SOAT1: variants seen among roughly 807,000 people sequenced by gnomAD.
The protein encoded by SOAT1 is acyl-coenzyme A:cholesterol acyltransferase 1.
SOAT1 carries 55 observed loss-of-function variants against 69.5 expected under a neutral mutation model. The ratio of observed to expected loss-of-function variants is 0.79; its 90% CI spans 0.64 to 0.99. The LOEUF (loss-of-function observed/expected upper bound fraction) is 0.99. Among genes scored for constraint, SOAT1 ranks in the 50% least tolerant of loss-of-function variants. The pLI is 0.00. For synonymous variants in SOAT1, 231 were observed against 224.7 expected, an observed-to-expected ratio of 1.03 and a Z score of -0.25; for missense variants, 580 against 669.3, an observed-to-expected ratio of 0.87 and a Z score of 1.47.
At chr1:179,342,003 T>G in intron 7 of SOAT1, 111 bp from the exon 8 acceptor site, 1 of 1,419,250 alleles carries the variant, frequency 7.0e-7, no homozygotes, top group South Asian at 1.6e-5. Flanking sequence ...GTTTATACAC[T>G]TATCAGGATT....
intron 15 of SOAT1, among the ~76,000 whole-genome samples, chr1:179,352,035 C>T (rs1666756760): frequency 6.6e-6 from 1 of 151,778 alleles, no homozygotes; most frequent in South Asian, 2.1e-4. Flanking sequence ...CAGGGTTTTC[C>T]TAATGCCATG....
intron 1 of SOAT1, among the ~76,000 whole-genome samples, chr1:179,301,283 T>C (rs1301528951): frequency 6.6e-6 from 1 of 152,162 alleles, no homozygotes; most frequent in Non-Finnish European, 1.5e-5. Flanking sequence ...GATATTGATC[T>C]TTGATCATGT....
At chr1:179,336,138 A>G (rs145223778) in intron 4 of SOAT1, among the ~76,000 whole-genome samples, 2,270 of 137,082 alleles carry the variant, frequency 0.017, 66 homozygotes, top group African/African-American at 0.057. Context: ...CACTCCAGAG[A>G]GAGACTCTGT....
chr1:179,328,828 G>T (rs1261044929), intron 3 of SOAT1, among the ~76,000 whole-genome samples: 1 of 152,060 alleles, frequency 6.6e-6, no homozygotes, highest in East Asian at 1.9e-4. Context: ...CAGATCAGTT[G>T]AGTTCATGAA....
chr1:179,297,734 A>AG (rs1664698844), intron 1 of SOAT1, among the ~76,000 whole-genome samples: 1 of 32,662 alleles, frequency 3.1e-5, no homozygotes, highest in Non-Finnish European at 5.5e-5. Context: ...ACTCCGTCTC[A>AG]AAAAAAAAAA....
chr1:179,334,769 A>G (rs1019597288), intron 3 of SOAT1, among the ~76,000 whole-genome samples: 1 of 151,950 alleles, frequency 6.6e-6, no homozygotes, highest in Admixed American at 6.6e-5. Context: ...TAATCCCAGC[A>G]CTTTGGGAGG....
chr1:179,342,270 C>CCCTTCTTT lies in SOAT1; in HGVS notation c.859+92_859+99dup, dbSNP rs1226548633. On this transcript the variant is annotated intron_variant, in intron 8 of 15. Coordinates refer to ENST00000367619, the MANE Select transcript of SOAT1 (RefSeq NM_003101.6). ...CCACCCCATTCCCTTCCCTTCCCTT[C>CCCTTCTTT]CCTTCTTTCCTTCTTTCCTTCCCTC... 24 of 781,818 alleles carry CCCTTCTTT rather than the reference C, an allele frequency of 3.1e-5. No individual in the cohort carries two copies. In the African/African-American group the frequency reaches 3.3e-4, roughly 11 times the overall value. 48.4% of individuals were successfully genotyped at this position (781,818 alleles called of 1,614,324 possible).
chr1:179,299,677 C>T (rs1664764089), intron 1 of SOAT1, among the ~76,000 whole-genome samples: 1 of 149,448 alleles, frequency 6.7e-6, no homozygotes, highest in Non-Finnish European at 1.5e-5. Flanking sequence ...TTGCATTGTG[C>T]TATACTGTTT....
chr1:179,331,052 A>G (rs1571435153), intron 3 of SOAT1, among the ~76,000 whole-genome samples: 2 of 152,028 alleles, frequency 1.3e-5, no homozygotes, highest in African/African-American at 4.8e-5. Flanking sequence ...ATGGCTGTCC[A>G]TTTTTCTTTG....
At chr1:179,345,412 AACTTGTAGAAATT>A (rs778344250) in intron 11 of SOAT1, among the ~76,000 whole-genome samples, 18 of 152,270 alleles carry the variant, frequency 1.2e-4, no homozygotes, top group East Asian at 5.8e-4. Context: ...AATTACTAGT[AACTTGTAGAAATT>A]ACTTGTAGAA....
intron 1 of SOAT1, among the ~76,000 whole-genome samples, chr1:179,299,584 G>C (rs1248804558): frequency 6.6e-6 from 1 of 151,970 alleles, no homozygotes; most frequent in African/African-American, 2.4e-5. Flanking sequence ...TATCTGTCTT[G>C]ATTCTGTTGA....
rs201839581 is a variant in SOAT1, at chr1:179,339,433, T to A, written c.390-5T>A. 6 of 1,577,424 alleles carry A rather than the reference T, an allele frequency of 3.8e-6. No homozygotes were observed. In the East Asian group the frequency reaches 1.4e-4, roughly 36 times the overall value. On this transcript the variant is annotated splice_polypyrimidine_tract_variant and splice_region_variant and intron_variant, in intron 5 of 15. Transcript: ENST00000367619. ...TAACTTGTTTTGTTTGAACTACATTTACAGTGAACTGCTTGAAGTGGACCA... is the reference window on the plus strand; with the variant it reads ...TAACTTGTTTTGTTTGAACTACATTAACAGTGAACTGCTTGAAGTGGACCA...
At chr1:179,346,370 A>G (rs1423412118) in intron 11 of SOAT1, among the ~76,000 whole-genome samples, 2 of 152,208 alleles carry the variant, frequency 1.3e-5, no homozygotes, top group Non-Finnish European at 2.9e-5. Flanking sequence ...ATATTTTACA[A>G]TATATTGTAA....
At chr1:179,326,558 T>C (rs1665799585) in intron 3 of SOAT1, among the ~76,000 whole-genome samples, 1 of 36,480 alleles carries the variant, frequency 2.7e-5, no homozygotes, top group African/African-American at 6.6e-5. Flanking sequence ...TTCTTTTTTT[T>C]TTTTTTTTTT....
chr1:179,310,018 G>A (rs1665167496), intron 2 of SOAT1, among the ~76,000 whole-genome samples: 1 of 152,010 alleles, frequency 6.6e-6, no homozygotes, highest in East Asian at 1.9e-4. Context: ...TCCTGCCTCA[G>A]CCTCCTGAGT....
chr1:179,314,140 T>G (rs890928597), intron 2 of SOAT1, among the ~76,000 whole-genome samples: 2 of 152,136 alleles, frequency 1.3e-5, no homozygotes, highest in Non-Finnish European at 2.9e-5. Flanking sequence ...GAGACTCAGT[T>G]CAAATATTGA....
chr1:179,328,086 T>C (rs1665849471), intron 3 of SOAT1, among the ~76,000 whole-genome samples: 1 of 152,188 alleles, frequency 6.6e-6, no homozygotes, highest in South Asian at 2.1e-4. Flanking sequence ...ACAATTAAAT[T>C]ACCTTTGCTT....
At chr1:179,332,756 A>G (rs755593353) in intron 3 of SOAT1, among the ~76,000 whole-genome samples, 1 of 152,226 alleles carries the variant, frequency 6.6e-6, no homozygotes, top group Non-Finnish European at 1.5e-5. Context: ...ACTGAGTTCT[A>G]ATTAACAAGT....
rs13306735 is a variant in SOAT1 at position 179,302,649 on chromosome 1, C to T, written c.-8-28C>T. 78 of 1,472,510 alleles carry T rather than the reference C, an allele frequency of 5.3e-5. 2 individuals are homozygous for T. In the East Asian group the frequency reaches 7.3e-4, roughly 14 times the overall value. 91.2% of individuals were successfully genotyped at this position (1,472,510 alleles called of 1,614,324 possible). ...ATAGCAGTGTGAAAACGGACTAATA[C>T]GAAAGCTTTTTACACCTTCTTTCCT... On this transcript the variant is annotated intron_variant, in intron 1 of 15. Coordinates refer to ENST00000367619, the MANE Select transcript of SOAT1 (RefSeq NM_003101.6).
Sources: allele counts gnomAD v4.1 joint callset (sites outside exome capture counted in the v4.1 genomes callset), GRCh38; gene constraint gnomAD v4.1.1; transcripts MANE v1.5; gene names NCBI Gene and HGNC (gene_info 2026-07-23, HGNC 2026-07-21).